Variants in DLG2 observed in about 807,000 individuals in gnomAD.
DLG2 encodes disks large homolog 2.
A neutral mutation model predicts 132.5 loss-of-function variants in DLG2; 45 were observed. The observed-to-expected ratio is 0.34, with a 90% CI of 0.27 to 0.44. The LOEUF is 0.44. Among genes scored for constraint, DLG2 ranks in the 20% least tolerant of loss-of-function variants. DLG2 has a pLI of 1.00. For missense variants in DLG2, 1,045 were observed against 1,196.9 expected, an observed-to-expected ratio of 0.87 and a Z score of 1.87; for synonymous variants, 424 against 419.6, an observed-to-expected ratio of 1.01 and a Z score of -0.13.
In DLG2 at chr11:84,825,314, C is replaced by G. The variant is rs531291339; in HGVS notation, c.357+286347G>C. Among the ~76,000 whole-genome samples the G allele has an allele frequency of 2.0e-5, 3 of 151,950 alleles. No homozygotes were observed. In the South Asian group the frequency reaches 6.2e-4, roughly 32 times the overall value. On this transcript the variant is annotated intron_variant, in intron 6 of 27. Coordinates refer to ENST00000376104, the MANE Select transcript of DLG2 (RefSeq NM_001142699.3). Reference sequence around the variant, plus strand: ...AGTGAAGGTAGACAGAATTTACTGTCCTTTCACATTCCTAAGGCCCGAGCT... The same window carrying G: ...AGTGAAGGTAGACAGAATTTACTGTGCTTTCACATTCCTAAGGCCCGAGCT...
chr11:84,348,856 G>C (rs978829838), intron 7 of DLG2, among the ~76,000 whole-genome samples: 3 of 152,146 alleles, frequency 2.0e-5, no homozygotes, highest in African/African-American at 7.2e-5. Flanking sequence ...ACAAGCCAAG[G>C]AATGCCAAGG....
intron 6 of DLG2, among the ~76,000 whole-genome samples, chr11:84,776,537 T>C (rs1211356482): frequency 6.6e-6 from 1 of 152,160 alleles, no homozygotes; most frequent in East Asian, 1.9e-4. Context: ...TCCCAAAAGT[T>C]CTTTTATGTA....
chr11:85,186,942 G>C (rs927021945), intron 4 of DLG2, among the ~76,000 whole-genome samples: 1 of 151,980 alleles, frequency 6.6e-6, no homozygotes, highest in South Asian at 2.1e-4. Context: ...TATCGATAAT[G>C]AATAAATAAA....
intron 3 of DLG2, among the ~76,000 whole-genome samples, chr11:85,391,915 A>G (rs1193056096): frequency 6.6e-6 from 1 of 152,128 alleles, no homozygotes; most frequent in Non-Finnish European, 1.5e-5. Flanking sequence ...TCTATTCAAC[A>G]TAGTACTAGA....
chr11:85,485,519 A>G (rs1056297690), intron 3 of DLG2, among the ~76,000 whole-genome samples: 3 of 152,188 alleles, frequency 2.0e-5, no homozygotes, highest in Admixed American at 6.5e-5. Flanking sequence ...TAGATCATCT[A>G]AGAGAGACTT....
chr11:85,061,747 T>G (rs1283757315), intron 6 of DLG2, among the ~76,000 whole-genome samples: 2 of 151,956 alleles, frequency 1.3e-5, no homozygotes, highest in African/African-American at 4.8e-5. Context: ...TGTATTTTTC[T>G]CATTTTTATT....
intron 4 of DLG2, among the ~76,000 whole-genome samples, chr11:85,171,054 T>C (rs755087895): frequency 2.6e-5 from 4 of 151,954 alleles, no homozygotes; most frequent in African/African-American, 4.8e-5. Flanking sequence ...ATAGTAATAA[T>C]TGTTTGGAAA....
intron 21 of DLG2, among the ~76,000 whole-genome samples, chr11:83,499,408 G>C (rs775628241): frequency 3.9e-5 from 6 of 152,022 alleles, no homozygotes; most frequent in Non-Finnish European, 7.4e-5. Context: ...GTGCATTTTG[G>C]ATTATTTTCT....
At chr11:84,660,281 T>C (rs1347454282) in intron 6 of DLG2, among the ~76,000 whole-genome samples, 1 of 152,144 alleles carries the variant, frequency 6.6e-6, no homozygotes, top group Non-Finnish European at 1.5e-5. Flanking sequence ...AAGGTCAGAC[T>C]TCTGTTAGGA....
intron 3 of DLG2, among the ~76,000 whole-genome samples, chr11:85,518,244 T>G (rs1416435665): frequency 6.6e-6 from 1 of 152,004 alleles, no homozygotes; most frequent in African/African-American, 2.4e-5. Context: ...GACAGGAAAA[T>G]GTGGGAAAGT....
intron 3 of DLG2, among the ~76,000 whole-genome samples, chr11:85,491,979 C>G (rs1457365238): frequency 6.7e-6 from 1 of 149,220 alleles, no homozygotes; most frequent in Non-Finnish European, 1.5e-5. Context: ...ATCACACAAC[C>G]TGACTTTGAA....
At chr11:84,930,883 C>A (rs1228957242) in intron 6 of DLG2, among the ~76,000 whole-genome samples, 1 of 152,152 alleles carries the variant, frequency 6.6e-6, no homozygotes, top group Non-Finnish European at 1.5e-5. Flanking sequence ...CCTTGACACA[C>A]AACCTTTTTA....
At chr11:83,540,303 A>T (rs2096025733) in intron 20 of DLG2, among the ~76,000 whole-genome samples, 1 of 152,218 alleles carries the variant, frequency 6.6e-6, no homozygotes, top group Admixed American at 6.5e-5. Context: ...CAATGCTTTA[A>T]ACATGTAACC....
intron 6 of DLG2, among the ~76,000 whole-genome samples, chr11:84,539,821 A>T (rs2099363838): frequency 6.6e-6 from 1 of 152,224 alleles, no homozygotes. Flanking sequence ...ACAAGGCTAC[A>T]GTAACCAAAA....
At chr11:85,520,083 A>C (rs1398285586) in intron 3 of DLG2, among the ~76,000 whole-genome samples, 2 of 151,456 alleles carry the variant, frequency 1.3e-5, no homozygotes, top group Non-Finnish European at 1.5e-5. Flanking sequence ...GCCTCTTTAT[A>C]CTGCCCAGCC....
At chr11:84,068,668 G>T (rs1190661214) in intron 10 of DLG2, among the ~76,000 whole-genome samples, 1 of 152,032 alleles carries the variant, frequency 6.6e-6, no homozygotes, top group Non-Finnish European at 1.5e-5. Context: ...ATTTAACTAG[G>T]AATTCAAATT....
intron 11 of DLG2, among the ~76,000 whole-genome samples, chr11:84,036,515 G>T (rs2095866962): frequency 6.6e-6 from 1 of 152,056 alleles, no homozygotes; most frequent in South Asian, 2.1e-4. Flanking sequence ...AAGGCATCAT[G>T]AATACAAATG....
chr11:85,060,033 T>G (rs1436645237), intron 6 of DLG2, among the ~76,000 whole-genome samples: 2 of 151,664 alleles, frequency 1.3e-5, no homozygotes, highest in Non-Finnish European at 3.0e-5. Context: ...TGCTGTACAG[T>G]AGATCTGTAG....
At chr11:83,660,137 T>C (rs2073876585) in intron 18 of DLG2, among the ~76,000 whole-genome samples, 1 of 152,218 alleles carries the variant, frequency 6.6e-6, no homozygotes, top group African/African-American at 2.4e-5. Flanking sequence ...TAGGTTTTTG[T>C]TATTTTTTTT....
Sources: allele counts gnomAD v4.1 joint callset (sites outside exome capture counted in the v4.1 genomes callset), GRCh38; gene constraint gnomAD v4.1.1; transcripts MANE v1.5; gene names NCBI Gene and HGNC (gene_info 2026-07-23, HGNC 2026-07-21).